Variants in ROR1 observed in about 807,000 individuals in gnomAD.
ROR1 encodes the protein ROR family WNT receptor 1, also known as inactive tyrosine-protein kinase transmembrane receptor ROR1.
ROR1 carries 19 observed loss-of-function variants against 78.8 expected under a neutral mutation model. The observed-to-expected ratio is 0.24, with a 90% CI of 0.17 to 0.35. The LOEUF is 0.35. ROR1 is among the 10% of genes least tolerant of loss of function. The pLI is 1.00. For synonymous variants in ROR1, 386 were observed against 433.6 expected, an observed-to-expected ratio of 0.89 and a Z score of 1.36; for missense variants, 917 against 1,177.8, an observed-to-expected ratio of 0.78 and a Z score of 3.24.
At chr1:64,116,193 C>T (rs1648310720) in intron 4 of ROR1, among the ~76,000 whole-genome samples, 1 of 152,154 alleles carries the variant, frequency 6.6e-6, no homozygotes, top group African/African-American at 2.4e-5. Context: ...CTATAGAATC[C>T]TTACATTCCA....
At chr1:64,135,683 C>A (rs908841652) in intron 4 of ROR1, among the ~76,000 whole-genome samples, 3 of 152,250 alleles carry the variant, frequency 2.0e-5, no homozygotes, top group Non-Finnish European at 4.4e-5. Context: ...TTCAGCATTA[C>A]TCTAGGATTT....
chr1:63,851,551 C>T (rs1645114021), intron 1 of ROR1, among the ~76,000 whole-genome samples: 1 of 152,120 alleles, frequency 6.6e-6, no homozygotes, highest in East Asian at 1.9e-4. Flanking sequence ...AAAAGACCAC[C>T]ATCACTCATG....
intron 4 of ROR1, among the ~76,000 whole-genome samples, chr1:64,054,251 G>A (rs1320899571): frequency 1.3e-5 from 2 of 151,964 alleles, no homozygotes; most frequent in Non-Finnish European, 2.9e-5. Flanking sequence ...ACTGCACCTG[G>A]CCTGAACAAA....
chr1:64,063,151 G>T (rs1006354966), intron 4 of ROR1, among the ~76,000 whole-genome samples: 5 of 152,138 alleles, frequency 3.3e-5, no homozygotes, highest in Admixed American at 3.3e-4. Context: ...AAGAGGTTTG[G>T]GATAGGGTGG....
chr1:64,029,082 CATTA>C (rs1646639227), intron 2 of ROR1: 1 of 151,984 alleles, frequency 6.6e-6, no homozygotes, highest in Non-Finnish European at 1.5e-5. Context: ...GTTTTATGAT[CATTA>C]ATTATCGTAT....
chr1:64,110,556 A>T (rs1284894568), intron 4 of ROR1: 2 of 152,036 alleles, frequency 1.3e-5, no homozygotes, highest in African/African-American at 4.8e-5. Flanking sequence ...TGCCTAAAAA[A>T]CAGGATAACA....
Position 64,009,382 on chromosome 1 carries a change from C to G in ROR1, c.163+6C>G. 6.2e-7 allele frequency: 1 copy of G among 1,608,382 alleles called. No homozygotes were observed. The highest frequency in any genetic ancestry group is 8.5e-7 in the Non-Finnish European group (1 of 1,174,886). On this transcript the variant is annotated splice_donor_region_variant and intron_variant, in intron 2 of 8. Transcript: ENST00000371079. ...CTCAAGTGAACTCAACAAAGGTACA[C>G]AGTGGGGGCACACAGGGGAGGCGAG...
At chr1:63,783,135 C>T (rs1644663421) in intron 1 of ROR1, among the ~76,000 whole-genome samples, 1 of 152,054 alleles carries the variant, frequency 6.6e-6, no homozygotes, top group Non-Finnish European at 1.5e-5. Context: ...AAGCTGATCT[C>T]CAGGGGATGG....
intron 4 of ROR1, among the ~76,000 whole-genome samples, chr1:64,085,193 C>T (rs1647141503): frequency 6.6e-6 from 1 of 152,188 alleles, no homozygotes; most frequent in Non-Finnish European, 1.5e-5. Context: ...TAAATGAGCA[C>T]ATGCTGGATG....
chr1:64,042,167 T>TCA (rs2100582890), intron 2 of ROR1, among the ~76,000 whole-genome samples: 1 of 152,274 alleles, frequency 6.6e-6, no homozygotes, highest in African/African-American at 2.4e-5. Flanking sequence ...GTTCTCTTAT[T>TCA]CACTACACAG....
chr1:64,076,263 A>G (rs1485745086), intron 4 of ROR1, among the ~76,000 whole-genome samples: 1 of 152,172 alleles, frequency 6.6e-6, no homozygotes, highest in Admixed American at 6.5e-5. Context: ...CCTTCTGTAC[A>G]CACCTGGAGT....
chr1:64,067,248 G>A (rs190041713), intron 4 of ROR1, among the ~76,000 whole-genome samples: 97 of 151,852 alleles, frequency 6.4e-4, no homozygotes, highest in Non-Finnish European at 1.3e-3. Context: ...TATTTGGGAG[G>A]CTGATGTGGG....
chr1:64,018,208 C>A (rs1040409802), intron 2 of ROR1, among the ~76,000 whole-genome samples: 26 of 152,086 alleles, frequency 1.7e-4, no homozygotes, highest in Non-Finnish European at 4.4e-5. Context: ...CTGGGACTTT[C>A]GGACTTAAAA....
intron 4 of ROR1, among the ~76,000 whole-genome samples, chr1:64,068,397 G>A (rs1646975528): frequency 1.3e-5 from 2 of 152,098 alleles, no homozygotes; most frequent in Non-Finnish European, 2.9e-5. Context: ...AAAGTCTTGA[G>A]GTGGAGTTAG....
intron 1 of ROR1, among the ~76,000 whole-genome samples, chr1:63,828,886 A>G (rs1036690613): frequency 1.3e-5 from 2 of 151,834 alleles, no homozygotes; most frequent in Non-Finnish European, 2.9e-5. Flanking sequence ...AGCAGGGATC[A>G]CTCCCTCTCC....
chr1:63,909,979 A>G (rs1481064058), intron 1 of ROR1, among the ~76,000 whole-genome samples: 4 of 152,212 alleles, frequency 2.6e-5, no homozygotes, highest in Admixed American at 1.3e-4. Flanking sequence ...TGAGGAAAAC[A>G]GGGAGAAACT....
At chr1:63,923,493 C>A (rs1645674429) in intron 1 of ROR1, among the ~76,000 whole-genome samples, 1 of 151,958 alleles carries the variant, frequency 6.6e-6, no homozygotes, top group Non-Finnish European at 1.5e-5. Context: ...TGGATTACAT[C>A]ATCCTTAATT....
At chr1:64,143,812 T>G (rs1477526345) in intron 7 of ROR1, among the ~76,000 whole-genome samples, 2 of 152,150 alleles carry the variant, frequency 1.3e-5, no homozygotes, top group African/African-American at 4.8e-5. Flanking sequence ...CCCAATCATG[T>G]AAAGCTGTGT....
At chr1:64,064,177 G>T (rs927583625) in intron 4 of ROR1, among the ~76,000 whole-genome samples, 1 of 152,204 alleles carries the variant, frequency 6.6e-6, no homozygotes, top group Non-Finnish European at 1.5e-5. Flanking sequence ...TGCAGCATCA[G>T]CAACAGACAG....
Sources: allele counts gnomAD v4.1 joint callset (sites outside exome capture counted in the v4.1 genomes callset), GRCh38; gene constraint gnomAD v4.1.1; transcripts MANE v1.5; gene names NCBI Gene and HGNC (gene_info 2026-07-23, HGNC 2026-07-21).